The following CDH23 variants were observed in gnomAD, a reference collection of about 807,000 sequenced individuals.
The protein encoded by CDH23 is cadherin-23.
In CDH23, 189 loss-of-function variants were observed where a neutral mutation model predicts 317.1. That is an observed-to-expected ratio of 0.60 (90% CI 0.53 to 0.67). The LOEUF (loss-of-function observed/expected upper bound fraction) is 0.67. Among genes scored for constraint, CDH23 ranks in the 30% least tolerant of loss-of-function variants. The pLI is 0.00. For missense variants in CDH23, 4,401 were observed against 4,592.4 expected, an observed-to-expected ratio of 0.96 and a Z score of 1.20; for synonymous variants, 1,839 against 1,876.8, an observed-to-expected ratio of 0.98 and a Z score of 0.52.
At chr10:71,766,845 C>A (rs1306303315) in intron 38 of CDH23, among the ~76,000 whole-genome samples, 1 of 152,184 alleles carries the variant, frequency 6.6e-6, no homozygotes, top group Non-Finnish European at 1.5e-5. Context: ...TCTCCAGAAC[C>A]CTCCAGTGGG....
chr10:71,645,663 A>C (rs1172910092), intron 12 of CDH23, 168 bp from the exon 13 acceptor site: 2 of 803,198 alleles, frequency 2.5e-6, no homozygotes, highest in Non-Finnish European at 4.4e-6. Context: ...TGGGTCATGG[A>C]GTCTTGGAGC....
chr10:71,682,563 C>A lies in CDH23; in HGVS notation c.1977C>A (p.Ile659=), dbSNP rs777039463. ...TCAACAGCACCGTCCCTGTCACCAT[C>A]GAGGTGTTTGTAAGTACCCAGGGCC... ...PPLNSTVPVT[I]EVFDENDNPP... Residue 659 remains isoleucine, a synonymous_variant, in exon 18 of 70, where the codon ATC becomes ATA. Coordinates refer to ENST00000224721, the MANE Select transcript of CDH23 (RefSeq NM_022124.6). 1 of 1,613,374 alleles carries A rather than the reference C, an allele frequency of 6.2e-7. No individual in the cohort carries two copies.
intron 27 of CDH23, among the ~76,000 whole-genome samples, chr10:71,709,939 G>A (rs574570342): frequency 3.3e-5 from 5 of 152,222 alleles, no homozygotes; most frequent in South Asian, 2.1e-4. Flanking sequence ...ATGGTAGCAC[G>A]CAAAGAGAGA....
chr10:71,564,725 G>A (rs1220411687), intron 6 of CDH23, among the ~76,000 whole-genome samples: 1 of 152,218 alleles, frequency 6.6e-6, no homozygotes, highest in Admixed American at 6.5e-5. Flanking sequence ...TAGACTGGCC[G>A]AGTGCTCTGA....
At chr10:71,571,066 A>C in intron 8 of CDH23, 148 bp downstream of exon 8, 1 of 830,296 alleles carries the variant, frequency 1.2e-6, no homozygotes, top group Non-Finnish European at 1.9e-6. Context: ...GTGTTCTGGC[A>C]CAGCGAAACC....
chr10:71,712,558 C>A (rs1047221124), intron 27 of CDH23, 107 bp from the exon 28 acceptor site: 15 of 1,306,702 alleles, frequency 1.1e-5, no homozygotes, highest in Non-Finnish European at 1.4e-5. Context: ...GCAGATGGGG[C>A]GGAACAGGGC....
At chr10:71,693,189 A>G (rs894468606) in intron 20 of CDH23, among the ~76,000 whole-genome samples, 7 of 152,300 alleles carry the variant, frequency 4.6e-5, no homozygotes, top group Middle Eastern at 3.4e-3. Flanking sequence ...GAGGCACTCA[A>G]TTGTGAACTC....
intron 3 of CDH23, among the ~76,000 whole-genome samples, chr10:71,503,860 C>T (rs1853483561): frequency 6.6e-6 from 1 of 151,974 alleles, no homozygotes; most frequent in South Asian, 2.1e-4. Flanking sequence ...CCTTCCCAGC[C>T]AAAGGCACAA....
intron 3 of CDH23, among the ~76,000 whole-genome samples, chr10:71,483,001 A>T (rs1459466959): frequency 1.3e-5 from 2 of 152,240 alleles, no homozygotes; most frequent in South Asian, 4.1e-4. Context: ...GGACATTGAG[A>T]GGTGCAGTCA....
chr10:71,423,948 G>A (rs1405252930), intron 1 of CDH23, among the ~76,000 whole-genome samples: 1 of 152,176 alleles, frequency 6.6e-6, no homozygotes, highest in East Asian at 1.9e-4. Context: ...GTGCAACAAG[G>A]GTGACATGCT....
At chr10:71,779,508 G>T in intron 41 of CDH23, 61 bp downstream of exon 41, 1 of 1,416,330 alleles carries the variant, frequency 7.1e-7, no homozygotes, top group Non-Finnish European at 9.5e-7. Context: ...CTCAGGGGAG[G>T]ATAAGAAGGG....
At chr10:71,524,958 C>T (rs1485732055) in intron 6 of CDH23, among the ~76,000 whole-genome samples, 1 of 152,214 alleles carries the variant, frequency 6.6e-6, no homozygotes, top group Non-Finnish European at 1.5e-5. Context: ...CTCTGTCACC[C>T]AGGCTCTAGT....
At position 71,706,910 on chromosome 10, in the gene CDH23, C is replaced by T. The variant is rs745617102; in HGVS notation, c.2967C>T (p.Asn989=). The part of the protein sequence containing the change: ...STLTIHVLDV[N]DETPTFFPAV... ...TCTGCCCCGCAGTGCTGGATGTGAACGACGAGACGCCCACCTTCTTCCCGG... is the reference window on the plus strand; with the variant it reads ...TCTGCCCCGCAGTGCTGGATGTGAATGACGAGACGCCCACCTTCTTCCCGG... Residue 989 remains asparagine, a synonymous_variant, in exon 26 of 70, where the codon AAC becomes AAT. Transcript: ENST00000224721. 2.5e-5 allele frequency: 40 copies of T among 1,601,552 alleles called. No individual in the cohort carries two copies. The highest frequency in any genetic ancestry group is 3.4e-5 in the Admixed American group (2 of 58,388).
At chr10:71,760,028 C>CACACACATATATAT in intron 38 of CDH23, among the ~76,000 whole-genome samples, 1 of 47,210 alleles carries the variant, frequency 2.1e-5, no homozygotes, top group South Asian at 5.9e-4. Context: ...CACATATATA[C>CACACACATATATAT]ACACACACAC....
intron 11 of CDH23, among the ~76,000 whole-genome samples, chr10:71,643,243 G>A (rs1352559324): frequency 1.3e-5 from 2 of 152,168 alleles, no homozygotes; most frequent in African/African-American, 4.8e-5. Flanking sequence ...GGATTTCCTG[G>A]GGAAAGAGAC....
intron 53 of CDH23, among the ~76,000 whole-genome samples, chr10:71,801,605 T>C (rs1841561068): frequency 6.6e-6 from 1 of 152,162 alleles, no homozygotes; most frequent in Non-Finnish European, 1.5e-5. Context: ...AAGGTTTTGC[T>C]TCCTCTTTCT....
At chr10:71,563,655 C>T (rs1205281320) in intron 6 of CDH23, among the ~76,000 whole-genome samples, 1 of 151,944 alleles carries the variant, frequency 6.6e-6, no homozygotes, top group Non-Finnish European at 1.5e-5. Context: ...AACCATTTAT[C>T]GAGTGTTGCT....
At chr10:71,746,100 G>C (rs1839848056) in intron 38 of CDH23, among the ~76,000 whole-genome samples, 1 of 152,234 alleles carries the variant, frequency 6.6e-6, no homozygotes, top group African/African-American at 2.4e-5. Flanking sequence ...TCAGGCACAG[G>C]TCTGCCCTCC....
intron 11 of CDH23, 134 bp from the exon 12 acceptor site, chr10:71,643,727 G>C (rs567727086): frequency 1.5e-6 from 1 of 668,676 alleles, no homozygotes; most frequent in Non-Finnish European, 2.7e-6. Context: ...GCTCCTCTAG[G>C]GTGTGATCCT....
Sources: gnomAD v4.1 joint callset for allele counts (sites outside exome capture counted in the v4.1 genomes callset) on GRCh38, gnomAD v4.1.1 for gene constraint, MANE v1.5 for transcripts, NCBI Gene and HGNC (gene_info 2026-07-23, HGNC 2026-07-21) for gene names.